Variants in SLC12A2 observed in about 807,000 individuals in gnomAD.
SLC12A2 encodes the protein solute carrier family 12 member 2, also known as Na-K-2Cl cotransporter 1.
Under a neutral mutation model 136.3 loss-of-function variants are expected in SLC12A2, and 67 were observed. The ratio of observed to expected loss-of-function variants is 0.49; its 90% confidence interval spans 0.40 to 0.60. SLC12A2 has a LOEUF of 0.60. Ranked by LOEUF, SLC12A2 falls within the 20% of genes least tolerant of loss-of-function variation. SLC12A2 has a pLI of 0.00. For synonymous variants in SLC12A2, 619 were observed against 562.9 expected, an observed-to-expected ratio of 1.10 and a Z score of -1.41; for missense variants, 1,322 against 1,534.7, an observed-to-expected ratio of 0.86 and a Z score of 2.32.
intron 4 of SLC12A2, among the ~76,000 whole-genome samples, chr5:128,120,410 G>A (rs1203143517): frequency 1.3e-5 from 2 of 150,824 alleles, no homozygotes; most frequent in Admixed American, 6.7e-5. Flanking sequence ...ACATGCACAC[G>A]TATGTTTATT....
chr5:128,142,088 G>T (rs894944175), intron 10 of SLC12A2, 107 bp downstream of exon 10: 3 of 963,912 alleles, frequency 3.1e-6, no homozygotes, highest in Non-Finnish European at 4.6e-6. Flanking sequence ...AGGGAGGACA[G>T]TTGTTATTTT....
At chr5:128,109,309 G>T (rs1341156816) in intron 1 of SLC12A2, among the ~76,000 whole-genome samples, 1 of 152,256 alleles carries the variant, frequency 6.6e-6, no homozygotes, top group East Asian at 1.9e-4. Context: ...GGTTGTGATT[G>T]TCCTGGGGCG....
chr5:128,185,165 C>T (rs1431226093), intron 26 of SLC12A2, among the ~76,000 whole-genome samples: 1 of 152,088 alleles, frequency 6.6e-6, no homozygotes, highest in Non-Finnish European at 1.5e-5. Context: ...AGCCGTTAAG[C>T]ACGTGTGGAT....
chr5:128,095,815 A>G (rs1760514271), intron 1 of SLC12A2, among the ~76,000 whole-genome samples: 1 of 152,150 alleles, frequency 6.6e-6, no homozygotes, highest in Admixed American at 6.5e-5. Flanking sequence ...TGTGGTTTTT[A>G]GAGTTTTCCT....
rs1459897518 is a variant in SLC12A2, at chr5:128,114,775, G to A, written c.1048+94G>A. The A allele has an allele frequency of 5.1e-6, 4 of 778,570 alleles. No individual in the cohort carries two copies. In the East Asian group the frequency reaches 1.1e-4, roughly 21 times the overall value. 48.2% of individuals were successfully genotyped at this position (778,570 alleles called of 1,614,324 possible). On this transcript the variant is annotated intron_variant, in intron 4 of 26. Transcript: ENST00000262461. ...TTAATTATTTTTTACTTTAACTGAA[G>A]CAACATATTAAGTCTATATAGACAA...
At chr5:128,085,151 G>C (rs1864923) in intron 1 of SLC12A2, among the ~76,000 whole-genome samples, 52,552 of 151,392 alleles carry the variant, frequency 0.35, 11,811 homozygotes, top group African/African-American at 0.64. Context: ...ATTAGGGATC[G>C]CAAGAGTGGG....
intron 1 of SLC12A2, among the ~76,000 whole-genome samples, chr5:128,087,559 A>G (rs1224843627): frequency 6.6e-6 from 1 of 152,226 alleles, no homozygotes; most frequent in African/African-American, 2.4e-5. Context: ...GACAGCGCAC[A>G]TGAAGGTAAT....
At chr5:128,097,565 CATTTA>C (rs1760590355) in intron 1 of SLC12A2, among the ~76,000 whole-genome samples, 1 of 151,906 alleles carries the variant, frequency 6.6e-6, no homozygotes, top group African/African-American at 2.4e-5. Context: ...GATTTTTTAG[CATTTA>C]ATTTAATTCT....
intron 15 of SLC12A2, 39 bp from the exon 16 acceptor site, chr5:128,158,014 A>T: frequency 1.3e-6 from 2 of 1,553,574 alleles, no homozygotes; most frequent in Non-Finnish European, 1.8e-6. Flanking sequence ...CAGAAACACA[A>T]ATTTATCTAA....
chr5:128,111,264 C>T (rs1761134138), intron 1 of SLC12A2, among the ~76,000 whole-genome samples: 1 of 151,838 alleles, frequency 6.6e-6, no homozygotes, highest in Non-Finnish European at 1.5e-5. Flanking sequence ...AAAGAATTAA[C>T]AGTAATTAAC....
In SLC12A2 at chr5:128,161,714, C is replaced by T; in HGVS notation, c.2530C>T (p.Arg844Ter). Residue 844 changes from arginine (R) to a stop codon, truncating the protein, a stop_gained, in exon 17 of 27, where the codon CGA becomes TGA. Coordinates refer to ENST00000262461, the MANE Select transcript of SLC12A2 (RefSeq NM_001046.3). LOFTEE classifies it high-confidence loss of function. ...GTCCATCGATCAAGCCAAATATCAG[C>T]GATGGCTTATTAAGAACAAAATGAA... ...EMSIDQAKYQ[R>*]WLIKNKMKAF... 2 of 1,533,562 alleles carry T rather than the reference C, an allele frequency of 1.3e-6. No individual in the cohort carries two copies. Among genetic ancestry groups the T allele is most frequent in the Non-Finnish European group, 1.8e-6 (2 of 1,141,956 alleles). 95.0% of individuals were successfully genotyped at this position (1,533,562 alleles called of 1,614,324 possible).
intron 4 of SLC12A2, among the ~76,000 whole-genome samples, chr5:128,121,150 AAGTTGTACTT>A (rs1301603734): frequency 6.6e-6 from 1 of 152,170 alleles, no homozygotes; most frequent in Non-Finnish European, 1.5e-5. Context: ...CAATCTAGAA[AAGTTGTACTT>A]TGTTATTAAC....
In SLC12A2 at chr5:128,178,643, A is replaced by T; in HGVS notation, c.3054A>T (p.Lys1018Asn). The change falls in exon 22 of 27, where the codon AAA becomes AAT. Residue 1018 changes from lysine to asparagine, a missense_variant. By Grantham distance (94) the Lys-to-Asn change is moderately conservative. Transcript: ENST00000262461. ...LLEASTQFQK[K>N]QGKNTIDVWW... ...AAGCTAGTACACAGTTTCAGAAAAA[A>T]CAAGGAAAGAATACTATTGATGTCT... 1 of 1,602,570 alleles carries T rather than the reference A, an allele frequency of 6.2e-7. No individual in the cohort carries two copies. The highest frequency in any genetic ancestry group is 8.5e-7 in the Non-Finnish European group (1 of 1,174,776).
chr5:128,177,804 C>T (rs915074236), intron 21 of SLC12A2, among the ~76,000 whole-genome samples: 4 of 152,138 alleles, frequency 2.6e-5, no homozygotes, highest in Non-Finnish European at 4.4e-5. Flanking sequence ...GTAGGAGTTT[C>T]ATGATAGTCA....
intron 18 of SLC12A2, chr5:128,168,563 A>T (rs1763274829): frequency 6.6e-6 from 1 of 152,032 alleles, no homozygotes; most frequent in East Asian, 1.9e-4. Flanking sequence ...TGTGGACTTT[A>T]TTTATATTAT....
Position 128,161,727 on chromosome 5 carries a change from A to G in SLC12A2, c.2543A>G (p.Lys848Arg). Residue 848 changes from lysine to arginine, a missense_variant, in exon 17 of 27, where the codon AAG becomes AGG. Around this residue, in one of 8 missense-constraint regions of SLC12A2, gnomAD observed 226 missense variants for 210.4 expected, o/e 1.07. Coordinates refer to ENST00000262461, the MANE Select transcript of SLC12A2 (RefSeq NM_001046.3). ...GCCAAATATCAGCGATGGCTTATTA[A>G]GAACAAAATGAAGGCATTTTATGCT... ...DQAKYQRWLI[K>R]NKMKAFYAPV... The G allele has an allele frequency of 1.3e-6, 2 of 1,537,940 alleles. No homozygotes were observed. The highest frequency in any genetic ancestry group is 1.3e-5 in the South Asian group (1 of 76,724).
Position 128,084,960 on chromosome 5 carries a change from A to G in SLC12A2, c.756+250A>G, listed in dbSNP as rs1244574397. ...CTCTAACAACCTTCCCCATCCAGTTAGGTATCTCGTGTGCACTTTCTTTCC... is the reference window on the plus strand; with the variant it reads ...CTCTAACAACCTTCCCCATCCAGTTGGGTATCTCGTGTGCACTTTCTTTCC... On this transcript the variant is annotated intron_variant, in intron 1 of 26. Transcript: ENST00000262461. This position sits in a 1 kb window ranked among gnomAD's most constrained non-coding sequence, Gnocchi z 5.6. Among the ~76,000 whole-genome samples, 2 of 149,948 alleles carry G rather than the reference A, an allele frequency of 1.3e-5. No individual in the cohort carries two copies. Among genetic ancestry groups the G allele is most frequent in the Non-Finnish European group, 3.0e-5 (2 of 67,668 alleles).
chr5:128,173,814 A>G (rs1015182938), intron 19 of SLC12A2, among the ~76,000 whole-genome samples: 3 of 152,152 alleles, frequency 2.0e-5, no homozygotes, highest in Non-Finnish European at 4.4e-5. Context: ...TTTATATTAT[A>G]TTTGTCTTTG....
chr5:128,177,224 CT>C (rs575802049), intron 21 of SLC12A2, 72 bp downstream of exon 21: 236 of 1,092,930 alleles, frequency 2.2e-4, no homozygotes, highest in South Asian at 3.1e-4. Flanking sequence ...ACCTTATTCC[CT>C]TTTTTTTAAC....
Sources: gnomAD v4.1 joint callset for allele counts (sites outside exome capture counted in the v4.1 genomes callset) on GRCh38, gnomAD v4.1.1 for gene constraint, gnomAD v4.1.1 regional missense constraint, Gnocchi (gnomAD v3.1) non-coding constraint, MANE v1.5 for transcripts, NCBI Gene and HGNC (gene_info 2026-07-23, HGNC 2026-07-21) for gene names.